The following SIDT1 variants were observed in gnomAD, a reference collection of about 807,000 sequenced individuals.
SIDT1 encodes the protein SID1 transmembrane family member 1.
In SIDT1, 101 loss-of-function variants were observed where a neutral mutation model predicts 107.5. The ratio of observed to expected loss-of-function variants is 0.94; its 90% CI spans 0.80 to 1.11. SIDT1 has a LOEUF of 1.11. Among genes scored for constraint, SIDT1 ranks in the 50% least tolerant of loss-of-function variants. SIDT1 has a pLI of 0.00. For missense variants in SIDT1, 1,076 were observed against 1,058.2 expected (o/e 1.02, Z -0.23); for synonymous variants, 395 against 398.2 (o/e 0.99, Z 0.10).
At chr3:113,624,518 A>G (rs937868598) in intron 23 of SIDT1, among the ~76,000 whole-genome samples, 1 of 152,092 alleles carries the variant, frequency 6.6e-6, no homozygotes, top group Non-Finnish European at 1.5e-5. Flanking sequence ...GGACAGTTGG[A>G]TTGTTTCTAT....
At position 113,581,024 on chromosome 3, in the gene SIDT1, A is replaced by T. The variant is rs368124635; in HGVS notation, c.663+315A>T. On this transcript the variant is annotated intron_variant, in intron 5 of 24. Transcript: ENST00000264852. ...GGCTCCGCGAGAAAGCTAAAATTGA[A>T]CCCTACCATTTGTTCTGCTTTTAAA... Among the ~76,000 whole-genome samples the T allele has an allele frequency of 3.2e-4, 49 of 152,032 alleles. No individual in the cohort carries two copies. The South Asian group carries it at 7.7e-3, about 24-fold the overall frequency.
At chr3:113,607,946 T>C in intron 15 of SIDT1, 148 bp from the exon 16 acceptor site, 1 of 945,726 alleles carries the variant, frequency 1.1e-6, no homozygotes, top group Non-Finnish European at 1.5e-6. Flanking sequence ...TTAAAGAGGA[T>C]TTCTAATACT....
rs1945158433 is a variant in SIDT1, at chr3:113,604,139, G to C, written c.1337+106G>C. 3 of 719,740 alleles carry C rather than the reference G, an allele frequency of 4.2e-6. No individual in the cohort carries two copies. The African/African-American group carries it at 5.4e-5, about 13-fold the overall frequency. 44.6% of individuals were successfully genotyped at this position (719,740 alleles called of 1,614,324 possible). A position where few individuals can be genotyped will look rare whatever the true frequency, so the allele number is the denominator to read the frequency against. On this transcript the variant is annotated intron_variant, in intron 13 of 24. Coordinates refer to ENST00000264852, the MANE Select transcript of SIDT1 (RefSeq NM_017699.3). ...AGGTTTTAGTGTTTAATGAGGCACA[G>C]GCATAGGGAATGATGTTACCAGCCA...
rs770920900 is a variant in SIDT1, at chr3:113,584,809, G to GTCAGAAAATCAGTCATATAATTTGATA, written c.907+42_907+68dup. ...CAGAATGCATTGAAGAGATTCCTGT[G>GTCAGAAAATCAGTCATATAATTTGATA]TCAGAAAATCAGTCATATAATTTGA... On this transcript the variant is annotated intron_variant, in intron 8 of 24. Transcript: ENST00000264852. The GTCAGAAAATCAGTCATATAATTTGATA allele has an allele frequency of 4.4e-6, 6 of 1,366,982 alleles. No individual in the cohort carries two copies. The Admixed American group carries it at 1.4e-4, about 32-fold the overall frequency. The allele number at this position is 1,366,982 out of a possible 1,614,324, so 84.7% of individuals were successfully genotyped here. A position where few individuals can be genotyped will look rare whatever the true frequency, so the allele number is the denominator to read the frequency against.
At position 113,623,948 on chromosome 3, in the gene SIDT1, T is replaced by C. The variant is rs111801348; in HGVS notation, c.2307+215T>C. On this transcript the variant is annotated intron_variant, in intron 23 of 24. Coordinates refer to ENST00000264852, the MANE Select transcript of SIDT1 (RefSeq NM_017699.3). Reference sequence around the variant, plus strand: ...TATAAATCTGTAAGTACTACAGACATTGCAAACTTGGTCTTCATTGCATGT... The same window carrying C: ...TATAAATCTGTAAGTACTACAGACACTGCAAACTTGGTCTTCATTGCATGT... 2.8e-3 allele frequency among the ~76,000 whole-genome samples: 429 copies of C among 152,358 alleles called. 7 individuals carry two copies. The highest frequency in any genetic ancestry group is 9.8e-3 in the African/African-American group (408 of 41,584).
downstream of SIDT1, among the ~76,000 whole-genome samples, chr3:113,634,333 C>T (rs1947110696): frequency 6.6e-6 from 1 of 152,140 alleles, no homozygotes; most frequent in Non-Finnish European, 1.5e-5. Flanking sequence ...ATTTATAGAA[C>T]ATTAAGTTTG....
At chr3:113,595,685 C>T (rs1944497967) in intron 10 of SIDT1, among the ~76,000 whole-genome samples, 1 of 151,976 alleles carries the variant, frequency 6.6e-6, no homozygotes, top group African/African-American at 2.4e-5. Flanking sequence ...ATGAAGACAC[C>T]TAAATAACAC....
At chr3:113,612,033 T>C in intron 18 of SIDT1, 53 bp from the exon 19 acceptor site, 1 of 1,305,462 alleles carries the variant, frequency 7.7e-7, no homozygotes, top group African/African-American at 1.5e-5. Context: ...ATGATTTTGA[T>C]GAGTTTTCTA....
chr3:113,634,428 G>A (rs1179537029), downstream of SIDT1, among the ~76,000 whole-genome samples: 1 of 152,016 alleles, frequency 6.6e-6, no homozygotes, highest in East Asian at 1.9e-4. Flanking sequence ...AGGTCAAGGC[G>A]GGTGGATCAC....
At position 113,581,464 on chromosome 3, in the gene SIDT1, G is replaced by A. The variant is rs1182302989; in HGVS notation, c.747+20G>A. 1 of 1,587,370 alleles carries A rather than the reference G, an allele frequency of 6.3e-7. No individual in the cohort carries two copies. The highest frequency in any genetic ancestry group is 2.2e-5 in the East Asian group (1 of 44,750). ...CTACAGGTGAGGCATTGCTTCTGTG[G>A]GCATTATTGCCAATGGTAATGCTCA... On this transcript the variant is annotated intron_variant, in intron 6 of 24. Transcript: ENST00000264852.
chr3:113,560,607 A>C (rs1941339959), intron 1 of SIDT1, among the ~76,000 whole-genome samples: 1 of 152,206 alleles, frequency 6.6e-6, no homozygotes, highest in Non-Finnish European at 1.5e-5. Flanking sequence ...TGAAAAAAGG[A>C]CCATCAGCAG....
At position 113,575,968 on chromosome 3, in the gene SIDT1, T is replaced by C. The variant is rs142866919; in HGVS notation, c.516-954T>C. On this transcript the variant is annotated intron_variant, in intron 3 of 24. Coordinates refer to ENST00000264852, the MANE Select transcript of SIDT1 (RefSeq NM_017699.3). The stretch of plus-strand genomic sequence containing the variant: ...GCAGCGTTTCAGCAGCCTGGGGATC[T>C]GAGACTGCTGTGGACTTGTGTGCAT... Among the ~76,000 whole-genome samples, 1,055 of 152,324 alleles carry C rather than the reference T, an allele frequency of 6.9e-3. 14 individuals are homozygous for C. Among genetic ancestry groups the C allele is most frequent in the African/African-American group, 0.024 (979 of 41,564 alleles).
chr3:113,572,032 G>A lies in SIDT1; in HGVS notation c.515+4322G>A, dbSNP rs570162791. On this transcript the variant is annotated intron_variant, in intron 3 of 24. Transcript: ENST00000264852. Reference sequence around the variant, plus strand: ...AAAACAGGATGCAGAGAAGTTAGAAGGCTGATGCAGTAGTCAAGATAAATA... The same window carrying A: ...AAAACAGGATGCAGAGAAGTTAGAAAGCTGATGCAGTAGTCAAGATAAATA... 5.3e-5 allele frequency among the ~76,000 whole-genome samples: 8 copies of A among 152,300 alleles called. No homozygotes were observed. The South Asian group carries it at 1.7e-3, about 32-fold the overall frequency.
rs374742460 is a variant in SIDT1, at chr3:113,577,932, A to G, written c.561+965A>G. Reference sequence around the variant, plus strand: ...GATTTTAAGCTCCCATTGTGATGTCACTGAACAGCTGGGAAGTGACTAATG... The same window carrying G: ...GATTTTAAGCTCCCATTGTGATGTCGCTGAACAGCTGGGAAGTGACTAATG... On this transcript the variant is annotated intron_variant, in intron 4 of 24. Coordinates refer to ENST00000264852, the MANE Select transcript of SIDT1 (RefSeq NM_017699.3). 2.5e-3 allele frequency among the ~76,000 whole-genome samples: 380 copies of G among 152,288 alleles called. 2 individuals carry two copies. Among genetic ancestry groups the G allele is most frequent in the African/African-American group, 8.8e-3 (364 of 41,564 alleles).
chr3:113,593,527 G>A (rs1576888028), intron 10 of SIDT1, among the ~76,000 whole-genome samples: 2 of 152,318 alleles, frequency 1.3e-5, no homozygotes, highest in East Asian at 1.9e-4. Flanking sequence ...TGCCAAAAAT[G>A]TTGGAGACTG....
chr3:113,597,969 A>G (rs1450124601), intron 10 of SIDT1, among the ~76,000 whole-genome samples: 1 of 152,228 alleles, frequency 6.6e-6, no homozygotes, highest in African/African-American at 2.4e-5. Context: ...TGGTTTTTGC[A>G]TTCTTAAAAG....
At chr3:113,585,976 A>G (rs893381787) in intron 9 of SIDT1, among the ~76,000 whole-genome samples, 1 of 152,236 alleles carries the variant, frequency 6.6e-6, no homozygotes, top group African/African-American at 2.4e-5. Flanking sequence ...GGAGATTTAC[A>G]ATAAACAAAT....
At chr3:113,627,325 A>G (rs376310379) in intron 24 of SIDT1, among the ~76,000 whole-genome samples, 2 of 152,220 alleles carry the variant, frequency 1.3e-5, no homozygotes. Context: ...TATTTTACTC[A>G]TGTATTTGTT....
chr3:113,570,378 A>G (rs572259629), intron 3 of SIDT1, among the ~76,000 whole-genome samples: 2 of 152,348 alleles, frequency 1.3e-5, no homozygotes, highest in Admixed American at 1.3e-4. Context: ...TAATCAATCA[A>G]TCAAGTGTCA....
Sources: gnomAD v4.1 joint callset for allele counts (sites outside exome capture counted in the v4.1 genomes callset) on GRCh38, gnomAD v4.1.1 for gene constraint, MANE v1.5 for transcripts, NCBI Gene and HGNC (gene_info 2026-07-23, HGNC 2026-07-21) for gene names.